Variants in KCNT1 observed in about 807,000 individuals in gnomAD.
The protein encoded by KCNT1 is potassium channel subfamily T member 1.
A neutral mutation model predicts 147.8 loss-of-function variants in KCNT1; 78 were observed. The ratio of observed to expected loss-of-function variants is 0.53; its 90% CI spans 0.44 to 0.64. KCNT1 has a LOEUF of 0.64. Among genes scored for constraint, KCNT1 ranks in the 30% least tolerant of loss-of-function variants. The probability of loss-of-function intolerance (pLI) is 0.00; values close to 1 mark genes in which losing one functional copy is unlikely to be tolerated. For synonymous variants in KCNT1, 867 were observed against 748.8 expected (o/e 1.16, Z -2.58); for missense variants, 1,419 against 1,750.3 (o/e 0.81, Z 3.38).
At chr9:135,787,122 C>T (rs908788559) in intron 29 of KCNT1, among the ~76,000 whole-genome samples, 1 of 152,222 alleles carries the variant, frequency 6.6e-6, no homozygotes, top group Admixed American at 6.5e-5. Flanking sequence ...GGGAAAGGCC[C>T]ATGCCAGGAC....
intron 27 of KCNT1, 134 bp downstream of exon 27, chr9:135,785,023 CA>C: frequency 7.2e-7 from 1 of 1,382,934 alleles, no homozygotes; most frequent in Non-Finnish European, 9.8e-7. Context: ...CCTTCAGTGT[CA>C]GGGACCTGGG....
chr9:135,782,983 C>T (rs555560747), intron 24 of KCNT1, among the ~76,000 whole-genome samples: 7 of 152,324 alleles, frequency 4.6e-5, no homozygotes, highest in South Asian at 2.1e-4. Flanking sequence ...CTTGTCCTGT[C>T]GCTGTCGTGT....
chr9:135,741,797 T>C (rs1830582451), intron 2 of KCNT1, among the ~76,000 whole-genome samples: 1 of 152,270 alleles, frequency 6.6e-6, no homozygotes, highest in Non-Finnish European at 1.5e-5. Flanking sequence ...TCTGAACCTT[T>C]GTTTTCTTTT....
At chr9:135,731,031 A>G (rs576651283) in intron 2 of KCNT1, among the ~76,000 whole-genome samples, 1 of 149,788 alleles carries the variant, frequency 6.7e-6, no homozygotes, top group Admixed American at 6.6e-5. Context: ...TTAGCAATTG[A>G]ATTTGTGGTC....
chr9:135,792,800 A>T lies in KCNT1; in HGVS notation c.*639A>T, dbSNP rs1388426825. The T allele has an allele frequency of 1.3e-5, 2 of 152,338 alleles. No homozygotes were observed. Among genetic ancestry groups the T allele is most frequent in the South Asian group, 2.1e-4 (1 of 4,830 alleles). 9.4% of individuals were successfully genotyped at this position (152,338 alleles called of 1,614,324 possible). A position where few individuals can be genotyped will look rare whatever the true frequency, so the allele number is the denominator to read the frequency against. On this transcript the variant is annotated 3_prime_UTR_variant, in exon 31 of 31. Transcript: ENST00000371757. ...CCCCCAGAGGGCCCTGTCGCCGAGG[A>T]CCTTTCTGAAGGAAGCAGAAGACGC...
At chr9:135,764,914 C>A (rs937031414) in intron 11 of KCNT1, 117 bp from the exon 12 acceptor site, 3 of 1,106,796 alleles carry the variant, frequency 2.7e-6, no homozygotes, top group African/African-American at 1.6e-5. Context: ...TGTCACCCCC[C>A]GGCCGGCCCT....
intron 10 of KCNT1, among the ~76,000 whole-genome samples, chr9:135,758,821 G>T (rs1050442321): frequency 2.0e-5 from 3 of 152,240 alleles, no homozygotes; most frequent in African/African-American, 4.8e-5. Flanking sequence ...GGGTCTCTTG[G>T]CTGAGGCCCA....
chr9:135,765,839 C>T (rs1048628115), intron 13 of KCNT1, 79 bp downstream of exon 13: 3 of 1,337,220 alleles, frequency 2.2e-6, no homozygotes, highest in Admixed American at 4.2e-5. Flanking sequence ...GAGGCATTGA[C>T]CGTCGCTCTC....
chr9:135,767,057 G>A (rs1204229620), intron 13 of KCNT1, among the ~76,000 whole-genome samples: 1 of 152,134 alleles, frequency 6.6e-6, no homozygotes, highest in African/African-American at 2.4e-5. Flanking sequence ...ACACTCCCTG[G>A]AAAACCCTCC....
At position 135,730,990 on chromosome 9, in the gene KCNT1, T is replaced by TGAAAAAAAAAAAAAAAAAAA. The variant is rs1554766004; in HGVS notation, c.254+16270_254+16271insGAAAAAAAAAAAAAAAAAAA. Among the ~76,000 whole-genome samples, 2 of 85,594 alleles carry TGAAAAAAAAAAAAAAAAAAA rather than the reference T, an allele frequency of 2.3e-5. No individual in the cohort carries two copies. The highest frequency in any genetic ancestry group is 3.3e-4 in the East Asian group (1 of 3,060). 56.2% of individuals were successfully genotyped at this position (85,594 alleles called of 152,430 possible). A position where few individuals can be genotyped will look rare whatever the true frequency, so the allele number is the denominator to read the frequency against. On this transcript the variant is annotated intron_variant, in intron 2 of 30. Coordinates refer to ENST00000371757, the MANE Select transcript of KCNT1 (RefSeq NM_020822.3). The surrounding 1 kb of genome is among the most constrained non-coding windows in gnomAD (Gnocchi z 4.7). The stretch of plus-strand genomic sequence containing the variant: ...AACAAAGTGAGATCCCGTCTCAAGG[T>TGAAAAAAAAAAAAAAAAAAA]AAAAAAAAAAAAAAAAAAAAAAAGT...
chr9:135,734,520 C>T (rs548408019), intron 2 of KCNT1, among the ~76,000 whole-genome samples: 13 of 152,368 alleles, frequency 8.5e-5, no homozygotes, highest in East Asian at 3.9e-4. Flanking sequence ...CTCCCCTCCC[C>T]GCACCCCAGG....
At chr9:135,723,670 C>G (rs1836015332) in intron 2 of KCNT1, among the ~76,000 whole-genome samples, 1 of 152,240 alleles carries the variant, frequency 6.6e-6, no homozygotes, top group African/African-American at 2.4e-5. Context: ...GGCCCTGGCT[C>G]TCCTGGTGGG....
Position 135,784,540 on chromosome 9 carries a change from C to T in KCNT1, c.2949C>T (p.Phe983=), listed in dbSNP as rs764574987. ...CTCCCTCCCTCCCTGGCCAGTCCTT[C>T]GTGAAGGACTACATGATCACCATCA... is the stretch of plus-strand genomic sequence containing the variant. The part of the protein sequence containing the change: ...SMLDTLLYQS[F]VKDYMITITR... Residue 983 remains phenylalanine (F), a synonymous_variant, in exon 26 of 31, where the codon TTC becomes TTT. Coordinates refer to ENST00000371757, the MANE Select transcript of KCNT1 (RefSeq NM_020822.3). 37 of 1,312,174 alleles carry T rather than the reference C, an allele frequency of 2.8e-5. No individual in the cohort carries two copies. The highest frequency in any genetic ancestry group is 1.5e-4 in the South Asian group (12 of 82,282). The allele number at this position is 1,312,174 out of a possible 1,614,324, so 81.3% of individuals were successfully genotyped here. A position where few individuals can be genotyped will look rare whatever the true frequency, so the allele number is the denominator to read the frequency against.
In KCNT1 at chr9:135,752,160, C is replaced by G. The variant is rs1273856422; in HGVS notation, c.434+1119C>G. On this transcript the variant is annotated intron_variant, in intron 4 of 30. Coordinates refer to ENST00000371757, the MANE Select transcript of KCNT1 (RefSeq NM_020822.3). The surrounding 1 kb of genome is among the most constrained non-coding windows in gnomAD (Gnocchi z 5.1). Reference sequence around the variant, plus strand: ...TCACCATCCAGCCATCGGGGTGAACCCTGCCAGCATGCTGGTCCCCCCTCT... The same window carrying G: ...TCACCATCCAGCCATCGGGGTGAACGCTGCCAGCATGCTGGTCCCCCCTCT... The G allele has an allele frequency of 2.9e-6, 1 of 347,168 alleles. No homozygotes were observed. Among genetic ancestry groups the G allele is most frequent in the Non-Finnish European group, 5.7e-6 (1 of 175,342 alleles). 21.5% of individuals were successfully genotyped at this position (347,168 alleles called of 1,614,324 possible). A position where few individuals can be genotyped will look rare whatever the true frequency, so the allele number is the denominator to read the frequency against.
At position 135,750,030 on chromosome 9, in the gene KCNT1, C is replaced by A. The variant is rs979723093; in HGVS notation, c.255-68C>A. ...TTGGAAGAAGTCAGTCAGGTTGGGG[C>A]TCCCGGCGTGTCCCCAGCCTGAGTC... On this transcript the variant is annotated intron_variant, in intron 2 of 30. Coordinates refer to ENST00000371757, the MANE Select transcript of KCNT1 (RefSeq NM_020822.3). 1.3e-4 allele frequency: 173 copies of A among 1,292,764 alleles called. 1 individual carries two copies. The South Asian group carries it at 2.0e-3, about 15-fold the overall frequency. 80.1% of individuals were successfully genotyped at this position (1,292,764 alleles called of 1,614,324 possible).
At chr9:135,750,883 C>A in intron 3 of KCNT1, 59 bp from the exon 4 acceptor site, 1 of 1,491,392 alleles carries the variant, frequency 6.7e-7, no homozygotes, top group Non-Finnish European at 9.3e-7. Flanking sequence ...CGGGTGCAGG[C>A]CCTGCTCCCC....
chr9:135,740,251 C>T (rs531632542), intron 2 of KCNT1, among the ~76,000 whole-genome samples: 2 of 152,290 alleles, frequency 1.3e-5, no homozygotes, highest in South Asian at 4.1e-4. Context: ...AAACTCCGCC[C>T]GAGATAAGGG....
chr9:135,759,493 C>G (rs2131449660), intron 10 of KCNT1, among the ~76,000 whole-genome samples, 186 bp from the exon 11 acceptor site: 1 of 152,332 alleles, frequency 6.6e-6, no homozygotes, highest in East Asian at 1.9e-4. Flanking sequence ...TCCGGCAGAG[C>G]TTGGGGACAG....
intron 7 of KCNT1, 103 bp from the exon 8 acceptor site, chr9:135,757,053 C>T: frequency 1.8e-6 from 2 of 1,129,300 alleles, no homozygotes; most frequent in Non-Finnish European, 2.6e-6. Context: ...ATCCACTGAC[C>T]TCCAGGGTGG....
Sources: gnomAD v4.1 joint callset for allele counts (sites outside exome capture counted in the v4.1 genomes callset) on GRCh38, gnomAD v4.1.1 for gene constraint, Gnocchi (gnomAD v3.1) non-coding constraint, MANE v1.5 for transcripts, NCBI Gene and HGNC (gene_info 2026-07-23, HGNC 2026-07-21) for gene names.